The following SGMS1 variants were observed in gnomAD, a reference collection of about 807,000 sequenced individuals.
SGMS1 encodes phosphatidylcholine:ceramide cholinephosphotransferase 1.
Under a neutral mutation model 46.2 loss-of-function variants are expected in SGMS1, and 13 were observed. The observed-to-expected ratio is 0.28, with a 90% CI of 0.18 to 0.45. The LOEUF (loss-of-function observed/expected upper bound fraction) is 0.45, where lower values mean the gene tolerates loss of function less well. Among genes scored for constraint, SGMS1 ranks in the 20% least tolerant of loss-of-function variants. The pLI, the probability that SGMS1 is intolerant of heterozygous loss-of-function variation, is 1.00. For missense variants in SGMS1, 324 were observed against 519.9 expected (o/e 0.62, Z 3.66); for synonymous variants, 203 against 187.8 (o/e 1.08, Z -0.66).
At chr10:50,378,395 A>G (rs1848549240) in intron 6 of SGMS1, among the ~76,000 whole-genome samples, 1 of 152,224 alleles carries the variant, frequency 6.6e-6, no homozygotes, top group Non-Finnish European at 1.5e-5. Context: ...ATGGCTAAAA[A>G]TTTTAACTTT....
intron 6 of SGMS1, among the ~76,000 whole-genome samples, chr10:50,391,258 T>C (rs754458191): frequency 1.3e-5 from 2 of 152,236 alleles, no homozygotes; most frequent in Non-Finnish European, 2.9e-5. Flanking sequence ...TAATCCCCTC[T>C]CATCTTCCAC....
upstream of SGMS1, chr10:50,623,959 C>T (rs981857989): frequency 1.0e-6 from 1 of 985,594 alleles, no homozygotes; most frequent in Non-Finnish European, 1.2e-6. Flanking sequence ...CCCGGGCTGC[C>T]GAGCATGCCC....
chr10:50,308,332 A>G (rs1474645739), intron 9 of SGMS1, among the ~76,000 whole-genome samples, 184 bp from the exon 10 acceptor site: 1 of 152,164 alleles, frequency 6.6e-6, no homozygotes, highest in Non-Finnish European at 1.5e-5. Context: ...GCTTTTTATG[A>G]TGTGATTATA....
At chr10:50,355,545 G>A (rs186209047) in intron 6 of SGMS1, among the ~76,000 whole-genome samples, 12 of 152,346 alleles carry the variant, frequency 7.9e-5, no homozygotes, top group African/African-American at 2.4e-4. Context: ...AAGGTGCCGG[G>A]ATTGCAGACG....
At chr10:50,389,882 G>A (rs1031398252) in intron 6 of SGMS1, among the ~76,000 whole-genome samples, 5 of 152,236 alleles carry the variant, frequency 3.3e-5, no homozygotes, top group East Asian at 3.9e-4. Context: ...ATTTATAAAC[G>A]TTTAGTGTAC....
intron 2 of SGMS1, among the ~76,000 whole-genome samples, chr10:50,557,651 G>A: frequency 8.3e-6 from 1 of 121,120 alleles, no homozygotes; most frequent in Non-Finnish European, 1.8e-5. Context: ...TATAAAATCT[G>A]AACTAGCAAA....
In SGMS1 at chr10:50,518,564, T is replaced by A. The variant is rs376654282; in HGVS notation, c.-498+1267A>T. On this transcript the variant is annotated intron_variant, in intron 3 of 10. Transcript: ENST00000361781. ...GCTTCAGCCTCCCTAGTAGCTGAGA[T>A]TACAGGCACGTGCCACCATTCCCGG... Among the ~76,000 whole-genome samples the A allele has an allele frequency of 3.9e-5, 6 of 152,064 alleles. No individual in the cohort carries two copies. In the East Asian group the frequency reaches 9.7e-4, roughly 24 times the overall value.
At chr10:50,623,262 T>C (rs989431369) in intron 1 of SGMS1, among the ~76,000 whole-genome samples, 1 of 151,754 alleles carries the variant, frequency 6.6e-6, no homozygotes, top group Non-Finnish European at 1.5e-5. Flanking sequence ...GCTGTGGGGG[T>C]GGAGCCGTGA....
At chr10:50,342,650 G>A (rs191182760) in intron 7 of SGMS1, 6 of 152,282 alleles carry the variant, frequency 3.9e-5, no homozygotes, top group Admixed American at 1.3e-4. Flanking sequence ...ACACTCCACT[G>A]GAGAGAAACT....
At chr10:50,539,906 A>G (rs1838037199) in intron 2 of SGMS1, among the ~76,000 whole-genome samples, 1 of 152,218 alleles carries the variant, frequency 6.6e-6, no homozygotes, top group Admixed American at 6.5e-5. Context: ...TATGCAACTG[A>G]AAGTTTAATT....
intron 3 of SGMS1, among the ~76,000 whole-genome samples, chr10:50,504,907 T>G (rs1837693943): frequency 6.6e-6 from 1 of 152,056 alleles, no homozygotes. Flanking sequence ...TCCCCAGTAG[T>G]AAAAAGATAC....
intron 5 of SGMS1, among the ~76,000 whole-genome samples, chr10:50,434,720 CA>C (rs35940464): frequency 0.093 from 12,792 of 137,060 alleles, 1,329 homozygotes; most frequent in East Asian, 0.35. Flanking sequence ...ACTAAAAATA[CA>C]AAAAAAAAAA....
At chr10:50,607,169 G>A (rs1292415217) in intron 1 of SGMS1, among the ~76,000 whole-genome samples, 1 of 147,934 alleles carries the variant, frequency 6.8e-6, no homozygotes, top group African/African-American at 2.5e-5. Flanking sequence ...TTTTGGTAGA[G>A]ATATGGTTCT....
At position 50,623,836 on chromosome 10, in the gene SGMS1, G is replaced by A. The variant is rs1489796615; in HGVS notation, c.-813C>T. The A allele has an allele frequency of 1.6e-5, 16 of 985,306 alleles. No individual in the cohort carries two copies. The highest frequency in any genetic ancestry group is 1.9e-5 in the Non-Finnish European group (16 of 829,978). 61.0% of individuals were successfully genotyped at this position (985,306 alleles called of 1,614,324 possible). A position where few individuals can be genotyped will look rare whatever the true frequency, so the allele number is the denominator to read the frequency against. ...TCTCCGACCGGCTCCCTAGGCGCGA[G>A]GGGAGAGCAGTCAGCCCAGGCCGGT... On this transcript the variant is annotated 5_prime_UTR_variant, in exon 1 of 11. Coordinates refer to ENST00000361781, the MANE Select transcript of SGMS1 (RefSeq NM_147156.4).
At chr10:50,581,608 A>G (rs1838434971) in intron 2 of SGMS1, among the ~76,000 whole-genome samples, 1 of 152,240 alleles carries the variant, frequency 6.6e-6, no homozygotes, top group South Asian at 2.1e-4. Flanking sequence ...ACTCCTAAGG[A>G]GCTAAGAACA....
At chr10:50,411,768 G>C (rs1396076129) in intron 6 of SGMS1, among the ~76,000 whole-genome samples, 2 of 152,130 alleles carry the variant, frequency 1.3e-5, no homozygotes, top group Non-Finnish European at 2.9e-5. Context: ...ATGCAATTTT[G>C]TATCACCAGT....
intron 2 of SGMS1, among the ~76,000 whole-genome samples, chr10:50,545,948 A>T (rs1838097371): frequency 1.3e-5 from 2 of 152,210 alleles, no homozygotes; most frequent in African/African-American, 4.8e-5. Context: ...GTGAGTTTTG[A>T]CATGCATGCA....
chr10:50,413,249 AC>A (rs1849126071), intron 6 of SGMS1, among the ~76,000 whole-genome samples: 1 of 152,226 alleles, frequency 6.6e-6, no homozygotes, highest in African/African-American at 2.4e-5. Flanking sequence ...AGCAAGTTAA[AC>A]TGGCAGGGCT....
intron 6 of SGMS1, among the ~76,000 whole-genome samples, chr10:50,391,334 G>A (rs758023343): frequency 1.2e-4 from 18 of 152,098 alleles, no homozygotes; most frequent in Non-Finnish European, 1.0e-4. Context: ...TGTGGGACTT[G>A]AACATGATAA....
Sources: gnomAD v4.1 joint callset for allele counts (sites outside exome capture counted in the v4.1 genomes callset) on GRCh38, gnomAD v4.1.1 for gene constraint, MANE v1.5 for transcripts, NCBI Gene and HGNC (gene_info 2026-07-23, HGNC 2026-07-21) for gene names.